GRAMD4: variants seen among roughly 807,000 people sequenced by gnomAD.
GRAMD4 encodes the protein GRAM domain-containing protein 4.
A neutral mutation model predicts 83.9 loss-of-function variants in GRAMD4; 25 were observed. That is an observed-to-expected ratio of 0.30 (90% CI 0.22 to 0.42). The LOEUF is 0.42. Among genes scored for constraint, GRAMD4 ranks in the 10% least tolerant of loss-of-function variants. The pLI is 1.00. For missense variants in GRAMD4, 593 were observed against 788.7 expected (o/e 0.75, Z 2.97); for synonymous variants, 336 against 320.9 (o/e 1.05, Z -0.50).
intron 1 of GRAMD4, among the ~76,000 whole-genome samples, chr22:46,578,424 G>A (rs2081066064): frequency 6.6e-6 from 1 of 152,128 alleles, no homozygotes; most frequent in Admixed American, 6.5e-5. Context: ...GAGCCTCCTG[G>A]GCCTCAGTTT....
chr22:46,641,173 A>G (rs1246566848), intron 3 of GRAMD4, among the ~76,000 whole-genome samples: 1 of 152,150 alleles, frequency 6.6e-6, no homozygotes, highest in Non-Finnish European at 1.5e-5. Context: ...GCCGGGTTCA[A>G]GCGATTCTCT....
At position 46,624,076 on chromosome 22, in the gene GRAMD4, C is replaced by G. The variant is rs574246942; in HGVS notation, c.-49-2675C>G. Among the ~76,000 whole-genome samples the G allele has an allele frequency of 1.3e-4, 20 of 152,308 alleles. No homozygotes were observed. The South Asian group carries it at 4.1e-3, about 32-fold the overall frequency. ...GGATTACAGGTGCCAGCCACCGCACCTGGCCTAGTCAAGTTGTCTTGTAAC... is the reference window on the plus strand; with the variant it reads ...GGATTACAGGTGCCAGCCACCGCACGTGGCCTAGTCAAGTTGTCTTGTAAC... On this transcript the variant is annotated intron_variant, in intron 1 of 18. Transcript: ENST00000406902.
chr22:46,623,427 C>T (rs919230826), intron 1 of GRAMD4, among the ~76,000 whole-genome samples: 5 of 152,114 alleles, frequency 3.3e-5, no homozygotes, highest in Admixed American at 3.3e-4. Context: ...TCACGCTGCC[C>T]CCCAGGCTGC....
At chr22:46,638,328 T>G (rs933479818) in intron 3 of GRAMD4, among the ~76,000 whole-genome samples, 2 of 152,210 alleles carry the variant, frequency 1.3e-5, no homozygotes, top group African/African-American at 4.8e-5. Context: ...GCATTCCCAG[T>G]GGGTGGCTCG....
chr22:46,682,088 C>T (rs2082673909), downstream of GRAMD4, among the ~76,000 whole-genome samples: 1 of 152,218 alleles, frequency 6.6e-6, no homozygotes, highest in African/African-American at 2.4e-5. Context: ...AATCTGCCCT[C>T]AAAACCCCTG....
chr22:46,615,699 CGTAGGTTCCCCT>C (rs2081476371), upstream of GRAMD4, among the ~76,000 whole-genome samples: 1 of 18,764 alleles, frequency 5.3e-5, no homozygotes, highest in Non-Finnish European at 1.1e-4. Flanking sequence ...TTCCCCTGTG[CGTAGGTTCCCCT>C]GTGCGTGTAG....
At chr22:46,618,497 C>T (rs916725241), upstream of GRAMD4, among the ~76,000 whole-genome samples, 9 of 151,940 alleles carry the variant, frequency 5.9e-5, no homozygotes, top group African/African-American at 1.2e-4. This position sits in a 1 kb window ranked among gnomAD's most constrained non-coding sequence, Gnocchi z 5.8. Flanking sequence ...CAAAGGGGGT[C>T]GGCAGAGCTG....
chr22:46,587,824 T>G, intron 1 of GRAMD4: 1 of 790,898 alleles, frequency 1.3e-6, no homozygotes, highest in Non-Finnish European at 1.5e-6. Flanking sequence ...TGGCAGATGT[T>G]TGGTGGAGAG....
At chr22:46,643,176 C>T (rs2082010541) in intron 3 of GRAMD4, among the ~76,000 whole-genome samples, 18 of 140,412 alleles carry the variant, frequency 1.3e-4, no homozygotes, top group Admixed American at 2.8e-4. Flanking sequence ...TCCATCCATC[C>T]ATCCATCCAT....
chr22:46,618,566 C>G (rs1341530072), upstream of GRAMD4, among the ~76,000 whole-genome samples: 6 of 152,034 alleles, frequency 3.9e-5, no homozygotes, highest in Non-Finnish European at 8.8e-5. This position sits in a 1 kb window ranked among gnomAD's most constrained non-coding sequence, Gnocchi z 5.8. Flanking sequence ...CCGTGTTGAC[C>G]CGGGTGCGTG....
At chr22:46,588,444 C>T (rs2081173043) in intron 1 of GRAMD4, among the ~76,000 whole-genome samples, 1 of 152,172 alleles carries the variant, frequency 6.6e-6, no homozygotes, top group South Asian at 2.1e-4. Flanking sequence ...GAGCACCCTC[C>T]CCGGGCGAGT....
chr22:46,611,215 T>TG (rs1256113872), intron 1 of GRAMD4, among the ~76,000 whole-genome samples: 1 of 87,160 alleles, frequency 1.1e-5, no homozygotes, highest in African/African-American at 4.2e-5. Flanking sequence ...AAACTCCATC[T>TG]CAAAAAAAAA....
At chr22:46,624,324 CTTTT>C (rs577618843) in intron 1 of GRAMD4, among the ~76,000 whole-genome samples, 41 of 69,536 alleles carry the variant, frequency 5.9e-4, no homozygotes, top group African/African-American at 1.0e-3. Context: ...TTCCCTCTTC[CTTTT>C]TTTTTTTTTT....
In GRAMD4 at chr22:46,673,899, G is replaced by A. The variant is rs560922768; in HGVS notation, c.1384+85G>A. 6.1e-6 allele frequency: 9 copies of A among 1,470,166 alleles called. No homozygotes were observed. The Admixed American group carries it at 6.8e-5, about 11-fold the overall frequency. 91.1% of individuals were successfully genotyped at this position (1,470,166 alleles called of 1,614,324 possible). ...GGGGGGCGCTGTGGATGCAGGACGGGGTCGCCCTGTGACAGGCCAGAGGAG... is the reference window on the plus strand; with the variant it reads ...GGGGGGCGCTGTGGATGCAGGACGGAGTCGCCCTGTGACAGGCCAGAGGAG... On this transcript the variant is annotated intron_variant, in intron 15 of 18. Transcript: ENST00000406902.
chr22:46,605,439 C>A (rs1029151364), intron 1 of GRAMD4, among the ~76,000 whole-genome samples: 7 of 152,244 alleles, frequency 4.6e-5, no homozygotes, highest in Admixed American at 1.3e-4. Flanking sequence ...TCTTCAAGAC[C>A]TTGCTTTTAG....
chr22:46,620,369 T>G (rs2081556016), upstream of GRAMD4: 1 of 985,364 alleles, frequency 1.0e-6, no homozygotes, highest in Admixed American at 6.2e-5. The surrounding 1 kb of genome is among the most constrained non-coding windows in gnomAD (Gnocchi z 4.7). Context: ...TGGTGAGCCC[T>G]GCTGCCCTGC....
Position 46,664,118 on chromosome 22 carries a change from G to C in GRAMD4, c.717+1G>C. ...CTACACGTCTGCCATTGCCTTCACCGTGAGTGGGTCCTCCAGGGGCCGAGC... is the reference window on the plus strand; with the variant it reads ...CTACACGTCTGCCATTGCCTTCACCCTGAGTGGGTCCTCCAGGGGCCGAGC... On this transcript the variant is annotated splice_donor_variant, in intron 8 of 18. Coordinates refer to ENST00000406902, the MANE Select transcript of GRAMD4 (RefSeq NM_015124.5). LOFTEE classifies it high-confidence loss of function. The C allele has an allele frequency of 6.2e-7, 1 of 1,605,454 alleles. No individual in the cohort carries two copies. Among genetic ancestry groups the C allele is most frequent in the East Asian group, 2.2e-5 (1 of 44,846 alleles).
At position 46,663,088 on chromosome 22, in the gene GRAMD4, A is replaced by C; in HGVS notation, c.515A>C (p.Glu172Ala). Residue 172 changes from glutamate (E) to alanine (A), a missense_variant, in exon 6 of 19, where the codon GAG (glutamate) becomes GCG (alanine). Physicochemically the swap from Glu to Ala is moderately radical, Grantham distance 107. This residue lies in a region of GRAMD4 where 312 missense variants were observed against 350.7 expected (regional missense o/e 0.89). Coordinates refer to ENST00000406902, the MANE Select transcript of GRAMD4 (RefSeq NM_015124.5). ...LSSRLQKWFY[E>A]RFGEYVEDFR... ...TCGCGCCTGCAGAAGTGGTTCTACG[A>C]GCGGTTTGGGGAGTACGTGGAGGAC... 1 of 1,612,186 alleles carries C rather than the reference A, an allele frequency of 6.2e-7. No homozygotes were observed. The highest frequency in any genetic ancestry group is 8.5e-7 in the Non-Finnish European group (1 of 1,179,474).
At chr22:46,655,191 A>G (rs1314729749) in intron 3 of GRAMD4, among the ~76,000 whole-genome samples, 5 of 147,210 alleles carry the variant, frequency 3.4e-5, no homozygotes, top group Non-Finnish European at 6.0e-5. Context: ...TGGACATTTG[A>G]GGACCTAAAA....
Sources: allele counts gnomAD v4.1 joint callset (sites outside exome capture counted in the v4.1 genomes callset), GRCh38; gene constraint gnomAD v4.1.1; regional missense constraint gnomAD v4.1.1; non-coding constraint Gnocchi (gnomAD v3.1); transcripts MANE v1.5; gene names NCBI Gene and HGNC (gene_info 2026-07-23, HGNC 2026-07-21).